Variants in INPP4B observed in about 807,000 individuals in gnomAD.
The protein encoded by INPP4B is inositol polyphosphate-4-phosphatase type II B.
A neutral mutation model predicts 122.5 loss-of-function variants in INPP4B; 55 were observed. That is an observed-to-expected ratio of 0.45 (90% confidence interval 0.36 to 0.56). The LOEUF is 0.56. Among genes scored for constraint, INPP4B ranks in the 20% least tolerant of loss-of-function variants. The pLI, the probability that INPP4B is intolerant of heterozygous loss-of-function variation, is 0.00. For missense variants in INPP4B, 1,000 were observed against 1,097.7 expected, an observed-to-expected ratio of 0.91 and a Z score of 1.26; for synonymous variants, 403 against 388.7, an observed-to-expected ratio of 1.04 and a Z score of -0.43.
chr4:142,842,824 T>A (rs1223520423), intron 1 of INPP4B, among the ~76,000 whole-genome samples: 1 of 134,756 alleles, frequency 7.4e-6, no homozygotes, highest in Non-Finnish European at 1.5e-5. Context: ...ATGATATATA[T>A]AAATTTATAT....
chr4:142,677,398 G>T (rs1162782048), intron 2 of INPP4B, among the ~76,000 whole-genome samples: 1 of 152,028 alleles, frequency 6.6e-6, no homozygotes, highest in Admixed American at 6.6e-5. Context: ...GTTGGTTGGA[G>T]TGTAAATTAG....
rs372649803 is a variant in INPP4B, at chr4:142,168,626, C to T, written c.1359+5006G>A. Among the ~76,000 whole-genome samples the T allele has an allele frequency of 4.6e-5, 7 of 151,698 alleles. No homozygotes were observed. In the East Asian group the frequency reaches 7.8e-4, roughly 17 times the overall value. ...TGTATTAAAAAGTCTTACCACTTTA[C>T]TGGTGGAAAGATAAACTATTCCCGG... is the stretch of plus-strand genomic sequence containing the variant. On this transcript the variant is annotated intron_variant, in intron 16 of 25. Transcript: ENST00000262992.
At chr4:142,604,186 G>C (rs1560854565) in intron 2 of INPP4B, among the ~76,000 whole-genome samples, 1 of 152,180 alleles carries the variant, frequency 6.6e-6, no homozygotes, top group South Asian at 2.1e-4. Flanking sequence ...ACCTGTTCAT[G>C]ATAAAAACTT....
intron 2 of INPP4B, among the ~76,000 whole-genome samples, chr4:142,606,523 A>T (rs1560857440): frequency 6.6e-6 from 1 of 151,972 alleles, no homozygotes; most frequent in South Asian, 2.1e-4. Context: ...TACCCTATAC[A>T]TGTGTAAATT....
In INPP4B at chr4:142,504,902, G is replaced by A. The variant is rs538373051; in HGVS notation, c.-190-42176C>T. Among the ~76,000 whole-genome samples the A allele has an allele frequency of 1.5e-4, 23 of 152,136 alleles. No homozygotes were observed. The South Asian group carries it at 4.0e-3, about 26-fold the overall frequency. Reference sequence around the variant, plus strand: ...TGTTACCTTGCTTGCATGACGTGACGTGATGTGATGTGATTGGTATGGAGA... The same window carrying A: ...TGTTACCTTGCTTGCATGACGTGACATGATGTGATGTGATTGGTATGGAGA... On this transcript the variant is annotated intron_variant, in intron 2 of 25. Coordinates refer to ENST00000262992, the MANE Select transcript of INPP4B (RefSeq NM_001101669.3).
chr4:142,622,088 TGACCTGGCACAG>T (rs916285273), intron 2 of INPP4B, among the ~76,000 whole-genome samples: 4 of 152,000 alleles, frequency 2.6e-5, no homozygotes, highest in African/African-American at 7.2e-5. Flanking sequence ...CATGTATAAA[TGACCTGGCACAG>T]GATAGATGCT....
rs143008714 is a variant in INPP4B at position 142,612,757 on chromosome 4, A to G, written c.-191+113082T>C. Among the ~76,000 whole-genome samples the G allele has an allele frequency of 2.0e-3, 298 of 152,144 alleles. 1 individual carries two copies. The highest frequency in any genetic ancestry group is 0.011 in the South Asian group (51 of 4,824). ...GTGAAGGCTCCACCCTCATGACCTA[A>G]TCATCTCCTAAAGGCCCCATGTCCA... On this transcript the variant is annotated intron_variant, in intron 2 of 25. Coordinates refer to ENST00000262992, the MANE Select transcript of INPP4B (RefSeq NM_001101669.3).
intron 15 of INPP4B, among the ~76,000 whole-genome samples, chr4:142,181,676 T>C (rs1341365686): frequency 6.6e-6 from 1 of 152,266 alleles, no homozygotes; most frequent in Non-Finnish European, 1.5e-5. Flanking sequence ...TATTTTACTA[T>C]TATGAATGGT....
rs749989998 is a variant in INPP4B, at chr4:142,124,642, G to A, written c.1839C>T (p.Ser613=). 1.2e-6 allele frequency: 2 copies of A among 1,613,574 alleles called. No homozygotes were observed. The highest frequency in any genetic ancestry group is 1.7e-6 in the Non-Finnish European group (2 of 1,179,676). The change falls in exon 19 of 26, where the codon AGC becomes AGT. Residue 613 remains serine (S), a synonymous_variant. Transcript: ENST00000262992. Reference sequence around the variant, plus strand: ...GCGTCAGCATCAGACACTGGGGCAAGCTGTACGCAAGTTCCTGAAGGAGCA... The same window carrying A: ...GCGTCAGCATCAGACACTGGGGCAAACTGTACGCAAGTTCCTGAAGGAGCA... ...TFVLLQELAY[S]LPQCLMLTLR... is the part of the protein sequence containing the mutation.
rs541235478 is a variant in INPP4B, at chr4:142,310,648, C to A, written c.423+4064G>T. ...TACACAACATCTCTTACACATAACT[C>A]ACAGGCAGGCCTTTTCATAGCCCCA... On this transcript the variant is annotated intron_variant, in intron 8 of 25. Coordinates refer to ENST00000262992, the MANE Select transcript of INPP4B (RefSeq NM_001101669.3). 2.0e-5 allele frequency among the ~76,000 whole-genome samples: 3 copies of A among 150,556 alleles called. No individual in the cohort carries two copies. In the South Asian group the frequency reaches 6.3e-4, roughly 32 times the overall value.
At chr4:142,257,932 G>A (rs1334694512) in intron 11 of INPP4B, among the ~76,000 whole-genome samples, 10 of 152,112 alleles carry the variant, frequency 6.6e-5, no homozygotes, top group Admixed American at 2.6e-4. Context: ...TGGAGACATC[G>A]CACTACCTGA....
At chr4:142,691,115 C>T (rs930984987) in intron 2 of INPP4B, among the ~76,000 whole-genome samples, 2 of 152,090 alleles carry the variant, frequency 1.3e-5, no homozygotes, top group Admixed American at 6.5e-5. Context: ...GAGCTCTAAG[C>T]GCATCTCAGC....
intron 2 of INPP4B, among the ~76,000 whole-genome samples, chr4:142,495,344 T>C (rs1822404739): frequency 6.6e-6 from 1 of 151,966 alleles, no homozygotes; most frequent in Admixed American, 6.6e-5. Flanking sequence ...GATATACACA[T>C]ATGAAACGCA....
chr4:142,694,425 G>A (rs1159594231), intron 2 of INPP4B, among the ~76,000 whole-genome samples: 1 of 150,346 alleles, frequency 6.7e-6, no homozygotes, highest in African/African-American at 2.4e-5. Flanking sequence ...TAACTCAAAT[G>A]CCTTTTAGTT....
chr4:142,665,510 A>AG (rs397768639), intron 2 of INPP4B, among the ~76,000 whole-genome samples: 1 of 149,288 alleles, frequency 6.7e-6, no homozygotes, highest in East Asian at 2.0e-4. Context: ...AAAAAAAAAA[A>AG]GAAAGAAAGA....
At chr4:142,491,721 C>A (rs919507385) in intron 2 of INPP4B, among the ~76,000 whole-genome samples, 1 of 152,062 alleles carries the variant, frequency 6.6e-6, no homozygotes, top group Non-Finnish European at 1.5e-5. Flanking sequence ...TACAAATGAA[C>A]AACAGCTATA....
intron 2 of INPP4B, among the ~76,000 whole-genome samples, chr4:142,596,293 T>C (rs2150273419): frequency 6.6e-6 from 1 of 152,248 alleles, no homozygotes; most frequent in Non-Finnish European, 1.5e-5. Context: ...GCCAGAAACA[T>C]GTGGAGGAAG....
At chr4:142,614,564 A>T (rs1743285769) in intron 2 of INPP4B, among the ~76,000 whole-genome samples, 1 of 152,190 alleles carries the variant, frequency 6.6e-6, no homozygotes, top group Admixed American at 6.5e-5. Flanking sequence ...TAAACTGAAT[A>T]GCTTCTGCAT....
chr4:142,099,481 G>C (rs1198917490), intron 23 of INPP4B, among the ~76,000 whole-genome samples: 2 of 152,048 alleles, frequency 1.3e-5, no homozygotes, highest in African/African-American at 4.8e-5. Context: ...TGTTTATAAA[G>C]CAAAGTTATT....
Sources: gnomAD v4.1 joint callset for allele counts (sites outside exome capture counted in the v4.1 genomes callset) on GRCh38, gnomAD v4.1.1 for gene constraint, MANE v1.5 for transcripts, NCBI Gene and HGNC (gene_info 2026-07-23, HGNC 2026-07-21) for gene names.